SLC30A8: variants seen among roughly 807,000 people sequenced by gnomAD.
The protein encoded by SLC30A8 is solute carrier family 30 member 8.
Under a neutral mutation model 36.9 loss-of-function variants are expected in SLC30A8, and 27 were observed. That is an observed-to-expected ratio of 0.73 (90% CI 0.54 to 1.01). SLC30A8 has a LOEUF of 1.01. SLC30A8 is among the 50% of genes least tolerant of loss of function. SLC30A8 has a pLI of 0.00. For missense variants in SLC30A8, 439 were observed against 452.0 expected (o/e 0.97, Z 0.26); for synonymous variants, 164 against 172.4 (o/e 0.95, Z 0.38).
intron 1 of SLC30A8, 80 bp downstream of exon 1, chr8:117,135,478 T>C (rs1414017838): frequency 6.7e-6 from 8 of 1,186,936 alleles, no homozygotes; most frequent in Non-Finnish European, 9.5e-6. Flanking sequence ...TTCTGAATTG[T>C]AGGCCTTTAC....
intron 1 of SLC30A8, among the ~76,000 whole-genome samples, chr8:116,953,968 G>C (rs1478860086): frequency 1.3e-5 from 2 of 152,128 alleles, no homozygotes; most frequent in Non-Finnish European, 2.9e-5. Context: ...AGGGGAGTTG[G>C]ATTAGGTTTA....
intron 2 of SLC30A8, among the ~76,000 whole-genome samples, chr8:117,100,355 C>A (rs979753153): frequency 6.6e-6 from 1 of 152,096 alleles, no homozygotes; most frequent in African/African-American, 2.4e-5. Context: ...GTACTTTCTC[C>A]ATAAAAGTAT....
chr8:117,077,760 G>T (rs1818536120), intron 2 of SLC30A8, among the ~76,000 whole-genome samples: 1 of 152,134 alleles, frequency 6.6e-6, no homozygotes, highest in Admixed American at 6.5e-5. Context: ...GACAGAAGTG[G>T]ATCACTCTTT....
intron 2 of SLC30A8, among the ~76,000 whole-genome samples, chr8:117,106,556 G>A (rs1197255335): frequency 1.3e-5 from 2 of 152,008 alleles, no homozygotes; most frequent in Non-Finnish European, 2.9e-5. Flanking sequence ...TTGTGGATGA[G>A]GACTCAGAGG....
chr8:117,163,293 A>T, intron 5 of SLC30A8, 132 bp from the exon 6 acceptor site: 1 of 623,312 alleles, frequency 1.6e-6, no homozygotes, highest in Non-Finnish European at 2.7e-6. Flanking sequence ...TCTCAGTTGG[A>T]TGACACATGT....
intron 7 of SLC30A8, 106 bp downstream of exon 7, chr8:117,171,274 A>G: frequency 7.9e-7 from 1 of 1,262,366 alleles, no homozygotes; most frequent in Non-Finnish European, 1.1e-6. Flanking sequence ...GTTGCTTGTC[A>G]AAACATTATA....
rs548471210 is a variant in SLC30A8 at position 117,068,481 on chromosome 8, C to T, written c.-226+29223C>T. Among the ~76,000 whole-genome samples the T allele has an allele frequency of 3.4e-3, 522 of 152,312 alleles. 8 individuals carry two copies. Among genetic ancestry groups the T allele is most frequent in the African/African-American group, 0.012 (498 of 41,580 alleles). On this transcript the variant is annotated intron_variant, in intron 2 of 10. Coordinates refer to the SLC30A8 transcript ENST00000427715. ...GCCATCTCATCTGCTCCACATGCAT[C>T]ATTTTTGCACGTAATTATCATCACC...
intron 6 of SLC30A8, among the ~76,000 whole-genome samples, chr8:117,168,364 T>TATC (rs1182935240): frequency 6.6e-6 from 1 of 152,196 alleles, no homozygotes; most frequent in Non-Finnish European, 1.5e-5. Flanking sequence ...TGAAATATTA[T>TATC]ATCTTATTGA....
chr8:116,967,456 T>G (rs1814634912), intron 1 of SLC30A8, among the ~76,000 whole-genome samples: 1 of 152,206 alleles, frequency 6.6e-6, no homozygotes. Context: ...GCTCAGGACA[T>G]TGGTAGTTGA....
chr8:117,104,318 A>C (rs1819874161), intron 2 of SLC30A8, among the ~76,000 whole-genome samples: 1 of 152,134 alleles, frequency 6.6e-6, no homozygotes, highest in African/African-American at 2.4e-5. Context: ...TGGGAACCTC[A>C]GTTAAATATC....
Position 116,956,868 on chromosome 8 carries a change from C to T in SLC30A8, c.-266+5749C>T, listed in dbSNP as rs563430869. 2.6e-5 allele frequency among the ~76,000 whole-genome samples: 4 copies of T among 152,156 alleles called. No individual in the cohort carries two copies. In the East Asian group the frequency reaches 7.7e-4, roughly 29 times the overall value. The stretch of plus-strand genomic sequence containing the variant: ...TGTCAGAATTACAAATGACTGGTAC[C>T]AATTACAAAGTAGTCAACATCTTAT... On this transcript the variant is annotated intron_variant, in intron 1 of 10. Transcript: ENST00000427715.
At chr8:117,152,507 A>G (rs905634257) in intron 2 of SLC30A8, among the ~76,000 whole-genome samples, 1 of 152,212 alleles carries the variant, frequency 6.6e-6, no homozygotes, top group Non-Finnish European at 1.5e-5. Flanking sequence ...TGATTAAATT[A>G]TAAGTCAAAT....
chr8:117,158,085 G>A (rs1303503608), intron 4 of SLC30A8, among the ~76,000 whole-genome samples: 2 of 152,180 alleles, frequency 1.3e-5, no homozygotes, highest in Non-Finnish European at 2.9e-5. Context: ...GGCAGGGTTA[G>A]GATGTTTGAA....
intron 2 of SLC30A8, among the ~76,000 whole-genome samples, chr8:117,044,884 A>G (rs1288994639): frequency 6.6e-6 from 1 of 152,196 alleles, no homozygotes; most frequent in Non-Finnish European, 1.5e-5. Context: ...TCCTGCTGCC[A>G]TCTTGTGGCG....
intron 1 of SLC30A8, among the ~76,000 whole-genome samples, chr8:117,009,450 T>A (rs1229840848): frequency 6.6e-6 from 1 of 152,240 alleles, no homozygotes; most frequent in African/African-American, 2.4e-5. Flanking sequence ...TCTTTGTTTT[T>A]TGTCATTCTT....
intron 2 of SLC30A8, among the ~76,000 whole-genome samples, chr8:117,050,721 A>G (rs1817682843): frequency 6.6e-6 from 1 of 152,224 alleles, no homozygotes; most frequent in East Asian, 1.9e-4. Flanking sequence ...ATTTTTTACT[A>G]GAGGAATTAA....
chr8:116,965,670 T>C (rs1030573714), intron 1 of SLC30A8, among the ~76,000 whole-genome samples: 3 of 152,138 alleles, frequency 2.0e-5, no homozygotes, highest in African/African-American at 7.2e-5. Flanking sequence ...TAGTTTAGTT[T>C]ATTGAGCATT....
chr8:116,976,534 G>A (rs1399004514), intron 1 of SLC30A8, among the ~76,000 whole-genome samples: 1 of 152,128 alleles, frequency 6.6e-6, no homozygotes, highest in East Asian at 1.9e-4. Context: ...TCTCAAGCAC[G>A]CAAGAGCAGG....
chr8:117,105,618 A>G (rs187334575), intron 2 of SLC30A8, among the ~76,000 whole-genome samples: 59 of 152,284 alleles, frequency 3.9e-4, no homozygotes, highest in Non-Finnish European at 6.8e-4. Context: ...CAGGATTTCT[A>G]TGTTGCAGTT....
Sources: gnomAD v4.1 joint callset for allele counts (sites outside exome capture counted in the v4.1 genomes callset) on GRCh38, gnomAD v4.1.1 for gene constraint, MANE v1.5 for transcripts, NCBI Gene and HGNC (gene_info 2026-07-23, HGNC 2026-07-21) for gene names.